Variants in PUDP observed in about 807,000 individuals in gnomAD.
PUDP encodes the protein pseudouridine 5'-phosphatase.
Under a neutral mutation model 9.4 loss-of-function variants are expected in PUDP, and 8 were observed. The ratio of observed to expected loss-of-function variants is 0.85; its 90% CI spans 0.50 to 1.53. The LOEUF is 1.53. Among genes scored for constraint, PUDP ranks in the 40% most tolerant of loss-of-function variants. The pLI is 0.00. For synonymous variants in PUDP, 99 were observed against 80.7 expected (o/e 1.23, Z -1.22); for missense variants, 188 against 189.7 (o/e 0.99, Z 0.05).
In PUDP at chrX:6,772,807, A is replaced by C. The variant is rs566076625; in HGVS notation, c.*248-66341T>G. 2.8e-4 allele frequency among the ~76,000 whole-genome samples: 29 copies of C among 103,376 alleles called. 2 individuals carry two copies. The South Asian group carries it at 0.011, about 38-fold the overall frequency. The allele number at this position is 103,376 out of a possible 115,157, so 89.8% of individuals were successfully genotyped here. A position where few individuals can be genotyped will look rare whatever the true frequency, so the allele number is the denominator to read the frequency against. ...ACAAACAAACAAACAACAACAACAA[A>C]AAACCCAGGACATTAAGGTTGTAGT... On this transcript the variant is annotated intron_variant and NMD_transcript_variant, in intron 3 of 3. Transcript: ENST00000655425.
chrX:6,906,371 G>A (rs1927767117), intron 3 of PUDP, among the ~76,000 whole-genome samples: 1 of 112,183 alleles, frequency 8.9e-6, no homozygotes, highest in Non-Finnish European at 1.9e-5. Flanking sequence ...ACTATATGAA[G>A]CCAAGAAGAG....
At chrX:6,947,681 A>G (rs943254545) in intron 3 of PUDP, among the ~76,000 whole-genome samples, 2 of 111,147 alleles carry the variant, frequency 1.8e-5, no homozygotes, top group Non-Finnish European at 3.8e-5. Context: ...GGTCCCAGCT[A>G]CATGCAAGGC....
intron 1 of PUDP, among the ~76,000 whole-genome samples, chrX:7,111,829 CCT>C (rs1264849479): frequency 9.0e-6 from 1 of 111,322 alleles, no homozygotes; most frequent in East Asian, 2.8e-4. Context: ...CCCAGAATTA[CCT>C]CTGAGCATCA....
intron 3 of PUDP, among the ~76,000 whole-genome samples, chrX:6,812,800 GAAAT>G (rs1245453823): frequency 8.9e-6 from 1 of 112,032 alleles, no homozygotes; most frequent in East Asian, 2.8e-4. Context: ...TCAGCTTTAA[GAAAT>G]AAATAAAGAC....
At chrX:6,756,115 C>A (rs1398098340) in intron 3 of PUDP, among the ~76,000 whole-genome samples, 1 of 110,850 alleles carries the variant, frequency 9.0e-6, no homozygotes, top group African/African-American at 3.3e-5. Flanking sequence ...CAGGTTGAAG[C>A]AGACTGCATA....
At chrX:6,719,694 C>T (rs1029478956) in intron 1 of PUDP, among the ~76,000 whole-genome samples, 2 of 111,850 alleles carry the variant, frequency 1.8e-5, no homozygotes, top group African/African-American at 6.5e-5. Context: ...CTCCAAAAGT[C>T]CAGATTTTCT....
chrX:6,727,878 A>G (rs954215835), intron 3 of PUDP, among the ~76,000 whole-genome samples: 1 of 111,821 alleles, frequency 8.9e-6, no homozygotes, highest in African/African-American at 3.3e-5. Flanking sequence ...CTGAGACTGA[A>G]TGCCTGCAAA....
At chrX:6,801,865 C>T (rs766596909) in intron 3 of PUDP, among the ~76,000 whole-genome samples, 74 of 111,644 alleles carry the variant, frequency 6.6e-4, no homozygotes, top group Non-Finnish European at 1.2e-3. Flanking sequence ...TCAAAGAGAG[C>T]GATGAGCGAA....
At chrX:6,742,499 T>C (rs1030883383) in intron 3 of PUDP, among the ~76,000 whole-genome samples, 9 of 112,604 alleles carry the variant, frequency 8.0e-5, no homozygotes, top group Non-Finnish European at 1.9e-5. Context: ...CTGAGTGTGG[T>C]GGCTCATACC....
intron 1 of PUDP, among the ~76,000 whole-genome samples, chrX:6,988,295 C>G (rs1457022919): frequency 1.8e-5 from 2 of 111,473 alleles, no homozygotes; most frequent in African/African-American, 3.3e-5. Context: ...CTCCTATATC[C>G]CCAGCCCCTA....
At chrX:6,707,589 T>C (rs1237159345) in intron 1 of PUDP, among the ~76,000 whole-genome samples, 1 of 111,385 alleles carries the variant, frequency 9.0e-6, no homozygotes. Context: ...CCCTTGGATG[T>C]GCAGTTCACA....
At chrX:6,893,381 A>G (rs1242861343) in intron 3 of PUDP, among the ~76,000 whole-genome samples, 1 of 111,722 alleles carries the variant, frequency 9.0e-6, no homozygotes, top group Non-Finnish European at 1.9e-5. Context: ...TTGCTCTTCC[A>G]CGTCACTGTC....
chrX:6,734,538 C>T (rs896478853), intron 3 of PUDP, among the ~76,000 whole-genome samples: 1 of 111,469 alleles, frequency 9.0e-6, no homozygotes, highest in African/African-American at 3.3e-5. Context: ...TTTGGGAGGC[C>T]GAGGAGGAAG....
At chrX:6,804,793 G>A (rs1926022645) in intron 3 of PUDP, among the ~76,000 whole-genome samples, 1 of 111,962 alleles carries the variant, frequency 8.9e-6, no homozygotes. Context: ...TAGAGGCTGA[G>A]TAGACAGAGC....
At chrX:6,766,435 TTAAGA>T (rs928041263) in intron 3 of PUDP, among the ~76,000 whole-genome samples, 3 of 111,698 alleles carry the variant, frequency 2.7e-5, no homozygotes, top group African/African-American at 9.8e-5. Flanking sequence ...GGAAAAATAC[TTAAGA>T]TAATTATAAA....
chrX:7,026,391 C>T (rs915402447), intron 1 of PUDP, among the ~76,000 whole-genome samples: 4 of 112,424 alleles, frequency 3.6e-5, no homozygotes, highest in Admixed American at 9.4e-5. Context: ...ATCCCTGCTC[C>T]TCTGCTTTGG....
intron 3 of PUDP, among the ~76,000 whole-genome samples, chrX:6,936,932 A>G (rs1275170422): frequency 2.2e-5 from 2 of 89,443 alleles, no homozygotes; most frequent in South Asian, 1.4e-3. Flanking sequence ...AAGGGATGTG[A>G]AGGACCTCTT....
intron 3 of PUDP, among the ~76,000 whole-genome samples, chrX:6,732,063 A>G (rs1924816030): frequency 8.9e-6 from 1 of 111,936 alleles, no homozygotes; most frequent in Admixed American, 9.5e-5. Context: ...GGATGGGAAT[A>G]GTTTGATCCC....
At chrX:6,876,907 ATG>A (rs1176999957) in intron 3 of PUDP, among the ~76,000 whole-genome samples, 1 of 108,525 alleles carries the variant, frequency 9.2e-6, no homozygotes, top group African/African-American at 3.4e-5. Flanking sequence ...AGACATATAT[ATG>A]TGTCTATCCA....
Sources: gnomAD v4.1 joint callset for allele counts (sites outside exome capture counted in the v4.1 genomes callset) on GRCh38, gnomAD v4.1.1 for gene constraint, MANE v1.5 for transcripts, NCBI Gene and HGNC (gene_info 2026-07-23, HGNC 2026-07-21) for gene names.